PCDHA7: variants seen among roughly 807,000 people sequenced by gnomAD.
PCDHA7 encodes the protein protocadherin alpha-7.
In PCDHA7, 37 loss-of-function variants were observed where a neutral mutation model predicts 57.2. That is an observed-to-expected ratio of 0.65 (90% CI 0.50 to 0.85). PCDHA7 has a LOEUF of 0.85. PCDHA7 is among the 40% of genes least tolerant of loss of function. PCDHA7 has a pLI of 0.00. For missense variants in PCDHA7, 1,188 were observed against 1,241.8 expected, an observed-to-expected ratio of 0.96 and a Z score of 0.65; for synonymous variants, 553 against 558.8, an observed-to-expected ratio of 0.99 and a Z score of 0.15.
At chr5:140,850,650 A>G in intron 1 of PCDHA7, 1 of 1,598,426 alleles carries the variant, frequency 6.3e-7, no homozygotes, top group Non-Finnish European at 8.6e-7. Context: ...GCTGCTGTAC[A>G]CTGTGCTGCG....
intron 1 of PCDHA7, among the ~76,000 whole-genome samples, chr5:140,891,848 C>T (rs2063280221): frequency 6.6e-6 from 1 of 152,158 alleles, no homozygotes; most frequent in East Asian, 1.9e-4. Flanking sequence ...ATGGAAGGAG[C>T]CTGTCCCTCT....
chr5:140,897,806 CA>C (rs1351917169), intron 1 of PCDHA7, among the ~76,000 whole-genome samples: 11 of 152,166 alleles, frequency 7.2e-5, no homozygotes, highest in African/African-American at 2.7e-4. Flanking sequence ...GTCCCACCAA[CA>C]GTGTAAAAGT....
At position 140,876,037 on chromosome 5, in the gene PCDHA7, A is replaced by G. The variant is rs1554168212; in HGVS notation, c.2355+39299A>G. On this transcript the variant is annotated intron_variant, in intron 1 of 3. Transcript: ENST00000525929. ...TAAAATAAAAACAAAAAAAGATAAA[A>G]GTATATTGCCTGAATTAGTTCTTCG... is the stretch of plus-strand genomic sequence containing the variant. 1.9e-6 allele frequency: 3 copies of G among 1,613,766 alleles called. No homozygotes were observed. Among genetic ancestry groups the G allele is most frequent in the South Asian group, 2.2e-5 (2 of 91,050 alleles).
At chr5:140,877,274 C>G (rs781933102) in intron 1 of PCDHA7, 1 of 1,613,856 alleles carries the variant, frequency 6.2e-7, no homozygotes, top group South Asian at 1.1e-5. Context: ...GACGCTGACT[C>G]CGGCTATAAC....
At chr5:140,836,907 C>T in intron 1 of PCDHA7, 169 bp downstream of exon 1, 1 of 583,884 alleles carries the variant, frequency 1.7e-6, no homozygotes, top group Non-Finnish European at 2.8e-6. Context: ...GTTTAATATA[C>T]ACTTTTGTTT....
chr5:140,941,207 C>CTTCCTTTCTTTCTT (rs1563185091), intron 1 of PCDHA7, among the ~76,000 whole-genome samples: 2 of 103,272 alleles, frequency 1.9e-5, no homozygotes, highest in African/African-American at 1.2e-4. Flanking sequence ...TTCTTCCTTT[C>CTTCCTTTCTTTCTT]TTTCTTCCTT....
At chr5:140,854,994 G>A (rs1261400565) in intron 1 of PCDHA7, among the ~76,000 whole-genome samples, 3 of 149,538 alleles carry the variant, frequency 2.0e-5, no homozygotes, top group Non-Finnish European at 4.5e-5. Context: ...CTTTTTGCCC[G>A]TGTAAGATAT....
intron 3 of PCDHA7, among the ~76,000 whole-genome samples, chr5:141,003,969 G>A (rs781827494): frequency 2.0e-5 from 3 of 152,158 alleles, no homozygotes; most frequent in Non-Finnish European, 4.4e-5. Flanking sequence ...GAGCATAAGG[G>A]AGGGGACTTG....
At chr5:140,880,403 T>C (rs1474959731) in intron 1 of PCDHA7, among the ~76,000 whole-genome samples, 1 of 152,186 alleles carries the variant, frequency 6.6e-6, no homozygotes, top group Non-Finnish European at 1.5e-5. Flanking sequence ...GAGCATATGG[T>C]TGACCTTAAA....
At chr5:140,843,673 T>C (rs1779033196) in intron 1 of PCDHA7, 1 of 1,592,546 alleles carries the variant, frequency 6.3e-7, no homozygotes, top group South Asian at 1.1e-5. Flanking sequence ...GATCAGTTGA[T>C]GTAGGCGAAG....
chr5:140,975,056 A>C (rs1006106436), intron 1 of PCDHA7, among the ~76,000 whole-genome samples: 1 of 152,154 alleles, frequency 6.6e-6, no homozygotes, highest in Non-Finnish European at 1.5e-5. Flanking sequence ...AGAATCTACT[A>C]TCGAGCTCAT....
At chr5:140,841,916 T>A (rs1554138648) in intron 1 of PCDHA7, 11 of 1,613,792 alleles carry the variant, frequency 6.8e-6, no homozygotes, top group Non-Finnish European at 9.3e-6. Flanking sequence ...ATTAAGAAAA[T>A]CCTTGGACAG....
intron 1 of PCDHA7, among the ~76,000 whole-genome samples, chr5:140,844,348 A>T (rs1466711189): frequency 6.7e-6 from 1 of 149,514 alleles, no homozygotes; most frequent in Non-Finnish European, 1.5e-5. Context: ...AAGTAAAATC[A>T]AGAGGGAAGA....
intron 3 of PCDHA7, among the ~76,000 whole-genome samples, chr5:140,991,989 G>A (rs782528431): frequency 1.3e-5 from 2 of 151,180 alleles, no homozygotes; most frequent in African/African-American, 4.9e-5. Flanking sequence ...CCTACCACCC[G>A]GTCTTTCATG....
At chr5:140,968,683 A>G (rs782664501) in intron 1 of PCDHA7, 7 of 1,614,164 alleles carry the variant, frequency 4.3e-6, no homozygotes. Flanking sequence ...AGCTGCACAC[A>G]GGAGAAATTA....
At chr5:140,954,119 C>T (rs547590061) in intron 1 of PCDHA7, among the ~76,000 whole-genome samples, 2 of 152,156 alleles carry the variant, frequency 1.3e-5, no homozygotes, top group African/African-American at 4.8e-5. Flanking sequence ...AGATCTTGTT[C>T]CTTTTTATGG....
At chr5:140,879,391 G>A (rs2057973329) in intron 1 of PCDHA7, among the ~76,000 whole-genome samples, 1 of 152,184 alleles carries the variant, frequency 6.6e-6, no homozygotes, top group South Asian at 2.1e-4. Flanking sequence ...TGGAGAAACA[G>A]TTTGTGTGTA....
intron 1 of PCDHA7, chr5:140,867,087 G>T (rs1320862107): frequency 3.9e-5 from 6 of 151,970 alleles, no homozygotes; most frequent in African/African-American, 1.4e-4. Context: ...CTGTATTGTT[G>T]GAAATTAACA....
chr5:140,856,210 G>A, intron 1 of PCDHA7: 1 of 1,598,116 alleles, frequency 6.3e-7, no homozygotes, highest in Non-Finnish European at 8.6e-7. Flanking sequence ...TGGGGCTGGA[G>A]CTGGCGGAGC....
Sources: gnomAD v4.1 joint callset for allele counts (sites outside exome capture counted in the v4.1 genomes callset) on GRCh38, gnomAD v4.1.1 for gene constraint, MANE v1.5 for transcripts, NCBI Gene and HGNC (gene_info 2026-07-23, HGNC 2026-07-21) for gene names.